Variants in PDE4D observed in about 807,000 individuals in gnomAD.
PDE4D encodes phosphodiesterase 4D, also known as 3',5'-cyclic-AMP phosphodiesterase 4D.
In PDE4D, 24 loss-of-function variants were observed where a neutral mutation model predicts 87.4. The observed-to-expected ratio is 0.27, with a 90% CI of 0.20 to 0.39. The LOEUF (loss-of-function observed/expected upper bound fraction) is 0.39. PDE4D is among the 10% of genes least tolerant of loss of function. PDE4D has a pLI of 1.00. For missense variants in PDE4D, 714 were observed against 1,041.0 expected (o/e 0.69, Z 4.32); for synonymous variants, 384 against 383.2 (o/e 1.00, Z -0.02).
At position 59,139,811 on chromosome 5, in the gene PDE4D, TA is replaced by T. The variant is rs374957367; in HGVS notation, c.808+40783del. Among the ~76,000 whole-genome samples the T allele has an allele frequency of 2.5e-3, 375 of 151,948 alleles. 5 individuals carry two copies. Among genetic ancestry groups the T allele is most frequent in the African/African-American group, 8.9e-3 (368 of 41,438 alleles). Reference sequence around the variant, plus strand: ...CCATTTTAGAAAAAAACTAAAAAACTAAAAAAACTAAAAAACTGTCGTGTGG... The same window carrying T: ...CCATTTTAGAAAAAAACTAAAAAACTAAAAAACTAAAAAACTGTCGTGTGG... On this transcript the variant is annotated intron_variant, in intron 5 of 14. Transcript: ENST00000340635.
At chr5:59,901,458 A>G (rs952143155) in intron 3 of PDE4D, among the ~76,000 whole-genome samples, 2 of 152,206 alleles carry the variant, frequency 1.3e-5, no homozygotes, top group African/African-American at 4.8e-5. Flanking sequence ...AACTATACTA[A>G]CATTTGGAAC....
At chr5:60,380,605 A>G (rs74603958) in intron 1 of PDE4D, among the ~76,000 whole-genome samples, 1 of 152,342 alleles carries the variant, frequency 6.6e-6, no homozygotes, top group African/African-American at 2.4e-5. Context: ...CGGCAGCATC[A>G]AGAAATAACT....
chr5:59,228,658 G>T (rs1188533530), intron 1 of PDE4D, among the ~76,000 whole-genome samples: 1 of 152,082 alleles, frequency 6.6e-6, no homozygotes, highest in African/African-American at 2.4e-5. Context: ...TAAAATGTAA[G>T]CCCATTCTCG....
At chr5:60,394,246 T>C (rs1268496011) in intron 1 of PDE4D, among the ~76,000 whole-genome samples, 1 of 152,196 alleles carries the variant, frequency 6.6e-6, no homozygotes, top group Non-Finnish European at 1.5e-5. Context: ...CAAATGCTAA[T>C]TTTTCCTACA....
At chr5:60,219,305 G>A (rs917365232) in intron 1 of PDE4D, among the ~76,000 whole-genome samples, 12 of 152,070 alleles carry the variant, frequency 7.9e-5, no homozygotes, top group Non-Finnish European at 1.5e-4. Context: ...TATGACTTTT[G>A]TCAATTTGTT....
intron 1 of PDE4D, among the ~76,000 whole-genome samples, chr5:59,358,368 G>A (rs1038421720): frequency 1.3e-5 from 2 of 152,056 alleles, no homozygotes; most frequent in African/African-American, 4.8e-5. Context: ...ATATTGTAAC[G>A]CTTCACAAAC....
intron 2 of PDE4D, among the ~76,000 whole-genome samples, chr5:60,104,545 G>C (rs7714634): frequency 6.6e-6 from 1 of 152,184 alleles, no homozygotes; most frequent in Non-Finnish European, 1.5e-5. Context: ...TCTGAGAATG[G>C]GCAGAGTGCC....
intron 1 of PDE4D, among the ~76,000 whole-genome samples, chr5:60,425,153 T>C (rs1743573767): frequency 6.6e-6 from 1 of 152,146 alleles, no homozygotes. Context: ...AAGCCACCAA[T>C]GACTTTCTTC....
chr5:60,277,651 GTTT>G (rs1369207613), intron 1 of PDE4D, among the ~76,000 whole-genome samples: 2 of 152,068 alleles, frequency 1.3e-5, no homozygotes, highest in African/African-American at 4.8e-5. Context: ...GTAACAATCT[GTTT>G]TTTAATTGGT....
chr5:59,707,187 T>C (rs1753544465), intron 1 of PDE4D, among the ~76,000 whole-genome samples: 1 of 152,210 alleles, frequency 6.6e-6, no homozygotes. Context: ...GATTTCAATA[T>C]AAATATCTTC....
intron 1 of PDE4D, among the ~76,000 whole-genome samples, chr5:59,241,212 G>A (rs1757596994): frequency 6.6e-6 from 1 of 152,140 alleles, no homozygotes; most frequent in African/African-American, 2.4e-5. Flanking sequence ...TCCTATTGAA[G>A]TTAAATAACT....
intron 2 of PDE4D, among the ~76,000 whole-genome samples, chr5:60,158,590 T>C (rs1341765588): frequency 6.6e-6 from 1 of 152,184 alleles, no homozygotes; most frequent in Non-Finnish European, 1.5e-5. Context: ...TGAGACAAAG[T>C]CTCGCCCTGT....
At chr5:60,496,496 G>A (rs573618024) in intron 1 of PDE4D, among the ~76,000 whole-genome samples, 2 of 152,222 alleles carry the variant, frequency 1.3e-5, no homozygotes, top group South Asian at 4.2e-4. Context: ...ATTAAAATAA[G>A]TGGAAGTTAT....
intron 1 of PDE4D, among the ~76,000 whole-genome samples, chr5:59,672,340 T>C (rs1747357036): frequency 6.6e-6 from 1 of 152,118 alleles, no homozygotes; most frequent in Non-Finnish European, 1.5e-5. Flanking sequence ...AGCATGTACC[T>C]AATGATTCCC....
In PDE4D at chr5:59,073,647, G is replaced by A. The variant is rs77113584; in HGVS notation, c.809-34676C>T. ...ACTAGAATTTGTTCAGGTGTCAGGC[G>A]GTTGGTGCTTCAAGGGAGATCAGGC... On this transcript the variant is annotated intron_variant, in intron 5 of 14. Transcript: ENST00000340635. 7.4e-3 allele frequency among the ~76,000 whole-genome samples: 1,121 copies of A among 152,164 alleles called. 14 individuals are homozygous for A. The highest frequency in any genetic ancestry group is 0.026 in the African/African-American group (1,071 of 41,536).
chr5:59,892,644 C>A (rs1176708052), intron 1 of PDE4D, among the ~76,000 whole-genome samples: 1 of 152,136 alleles, frequency 6.6e-6, no homozygotes, highest in Non-Finnish European at 1.5e-5. Context: ...CTTTTAGCTG[C>A]AATCCTGGGA....
chr5:60,306,400 A>G (rs1754506203), intron 1 of PDE4D, among the ~76,000 whole-genome samples: 1 of 152,040 alleles, frequency 6.6e-6, no homozygotes, highest in Non-Finnish European at 1.5e-5. Context: ...AAAATAACAA[A>G]ATATTCAACT....
chr5:60,201,157 A>G (rs1437612883), intron 1 of PDE4D, among the ~76,000 whole-genome samples: 1 of 145,994 alleles, frequency 6.8e-6, no homozygotes, highest in Non-Finnish European at 1.6e-5. Flanking sequence ...GTCTATCACT[A>G]TAGGAAGACC....
chr5:59,742,663 T>C (rs1434486120), intron 1 of PDE4D, among the ~76,000 whole-genome samples: 1 of 152,206 alleles, frequency 6.6e-6, no homozygotes, highest in Non-Finnish European at 1.5e-5. Flanking sequence ...AATCAGGCAT[T>C]CTAAATTTAG....
Sources: allele counts gnomAD v4.1 joint callset (sites outside exome capture counted in the v4.1 genomes callset), GRCh38; gene constraint gnomAD v4.1.1; transcripts MANE v1.5; gene names NCBI Gene and HGNC (gene_info 2026-07-23, HGNC 2026-07-21).